SENP8: variants seen among roughly 807,000 people sequenced by gnomAD.
SENP8 encodes the protein sentrin-specific protease 8.
In SENP8, 10 loss-of-function variants were observed where a neutral mutation model predicts 14.4. The observed-to-expected ratio is 0.69, with a 90% CI of 0.43 to 1.18. The LOEUF (loss-of-function observed/expected upper bound fraction) is 1.18. Among genes scored for constraint, SENP8 ranks in the 50% most tolerant of loss-of-function variants. The pLI, the probability that SENP8 is intolerant of heterozygous loss-of-function variation, is 0.00. For missense variants in SENP8, 202 were observed against 249.4 expected (o/e 0.81, Z 1.28); for synonymous variants, 94 against 95.5 (o/e 0.98, Z 0.09).
intron 1 of SENP8, among the ~76,000 whole-genome samples, chr15:72,125,314 C>T (rs1034086784): frequency 1.3e-5 from 2 of 152,116 alleles, no homozygotes; most frequent in Non-Finnish European, 2.9e-5. Context: ...TTTTCTTCAC[C>T]TTTGCTAACT....
intron 1 of SENP8, among the ~76,000 whole-genome samples, chr15:72,130,980 A>G (rs2081268575): frequency 6.6e-6 from 1 of 152,238 alleles, no homozygotes; most frequent in Non-Finnish European, 1.5e-5. Flanking sequence ...AGACATCAGA[A>G]TAACTTGGAA....
At chr15:72,114,739 C>CA (rs1277996731), upstream of SENP8, among the ~76,000 whole-genome samples, 2 of 152,192 alleles carry the variant, frequency 1.3e-5, no homozygotes, top group Non-Finnish European at 2.9e-5. Flanking sequence ...CAAAGGCAAG[C>CA]ACTCTAGACA....
In SENP8 at chr15:72,140,225, A is replaced by G; in HGVS notation, c.602A>G (p.Glu201Gly). ...TPAYITKKRG[E>G]WKDLITTLAK... ...GCATACATCACAAAGAAGAGGGGAG[A>G]ATGGAAAGATCTCATTACCACACTT... Residue 201 changes from glutamate to glycine, a missense_variant, in exon 2 of 2, where the codon GAA becomes GGA. Coordinates refer to ENST00000340912, the MANE Select transcript of SENP8 (RefSeq NM_145204.4). 2 of 1,613,886 alleles carry G rather than the reference A, an allele frequency of 1.2e-6. No individual in the cohort carries two copies. Among genetic ancestry groups the G allele is most frequent in the Non-Finnish European group, 1.7e-6 (2 of 1,179,906 alleles).
upstream of SENP8, chr15:72,118,254 G>A (rs2081081147): frequency 3.2e-6 from 1 of 317,066 alleles, no homozygotes; most frequent in Admixed American, 5.1e-5. Flanking sequence ...GCGCAGACAC[G>A]CCCCCTTTCC....
intron 1 of SENP8, among the ~76,000 whole-genome samples, chr15:72,123,759 A>G (rs1245950740): frequency 6.6e-6 from 1 of 152,142 alleles, no homozygotes; most frequent in East Asian, 1.9e-4. Context: ...AGGCTGATCT[A>G]GAACGCCCGA....
upstream of SENP8, among the ~76,000 whole-genome samples, chr15:72,115,482 T>G (rs2080938009): frequency 6.6e-6 from 1 of 152,166 alleles, no homozygotes; most frequent in African/African-American, 2.4e-5. Context: ...AACCTAGATT[T>G]TATCCTGTAT....
intron 1 of SENP8, among the ~76,000 whole-genome samples, chr15:72,127,050 AT>A (rs2081227548): frequency 6.6e-6 from 1 of 152,224 alleles, no homozygotes; most frequent in African/African-American, 2.4e-5. Context: ...GATTTATATT[AT>A]GTTGAGCTGT....
intron 1 of SENP8, among the ~76,000 whole-genome samples, chr15:72,119,877 C>T (rs2081142577): frequency 6.6e-6 from 1 of 152,236 alleles, no homozygotes; most frequent in South Asian, 2.1e-4. Flanking sequence ...TCTTGCCTTT[C>T]TCTTCAGCAC....
intron 1 of SENP8, among the ~76,000 whole-genome samples, chr15:72,120,375 A>G (rs2081154799): frequency 1.3e-5 from 2 of 152,208 alleles, no homozygotes; most frequent in African/African-American, 4.8e-5. Context: ...CCAGATAAGA[A>G]CGAGTTATTG....
chr15:72,136,880 G>A (rs557081041), intron 1 of SENP8, among the ~76,000 whole-genome samples: 1 of 152,304 alleles, frequency 6.6e-6, no homozygotes, highest in South Asian at 2.1e-4. Flanking sequence ...CTGCATAACA[G>A]CTAACTCTCT....
Position 72,139,955 on chromosome 15 carries a change from A to G in SENP8, c.332A>G (p.Asp111Gly). ...TGGAGTTTATTGGTCTACCTCCAAG[A>G]TAAAAATAGCTTTTTTCATTATGAT... The part of the protein sequence containing the change: ...THWSLLVYLQ[D>G]KNSFFHYDSH... The change falls in exon 2 of 2, where the codon GAT (aspartate) becomes GGT (glycine). Residue 111 changes from aspartate (D) to glycine (G), a missense_variant. Physicochemically the swap from Asp to Gly is moderately conservative, Grantham distance 94. Coordinates refer to ENST00000340912, the MANE Select transcript of SENP8 (RefSeq NM_145204.4). The G allele has an allele frequency of 1.2e-6, 2 of 1,614,232 alleles. No individual in the cohort carries two copies. Among genetic ancestry groups the G allele is most frequent in the East Asian group, 2.2e-5 (1 of 44,888 alleles).
chr15:72,119,672 C>T (rs1368743155), intron 1 of SENP8, among the ~76,000 whole-genome samples: 1 of 152,118 alleles, frequency 6.6e-6, no homozygotes, highest in African/African-American at 2.4e-5. Context: ...GGCATGAACC[C>T]GGAAGGCGGA....
intron 1 of SENP8, among the ~76,000 whole-genome samples, chr15:72,122,802 C>G (rs546730285): frequency 1.3e-5 from 2 of 152,256 alleles, no homozygotes; most frequent in South Asian, 2.1e-4. Flanking sequence ...ATTTTTATTA[C>G]TTACAGAAAA....
chr15:72,118,750 T>C (rs934785918), intron 1 of SENP8, among the ~76,000 whole-genome samples: 1 of 152,166 alleles, frequency 6.6e-6, no homozygotes, highest in African/African-American at 2.4e-5. Flanking sequence ...TGTCAGCTTT[T>C]TGAAGTGCTT....
At chr15:72,115,507 AC>A (rs1436619097), upstream of SENP8, among the ~76,000 whole-genome samples, 2 of 152,108 alleles carry the variant, frequency 1.3e-5, no homozygotes, top group East Asian at 3.8e-4. Flanking sequence ...CTTCTCCCCA[AC>A]CCCAAATACA....
rs1278995112 is a variant in SENP8 at position 72,140,381 on chromosome 15, T to C, written c.*119T>C. The C allele has an allele frequency of 4.2e-6, 3 of 708,162 alleles. No homozygotes were observed. The highest frequency in any genetic ancestry group is 7.2e-6 in the Non-Finnish European group (3 of 416,534). The allele number at this position is 708,162 out of a possible 1,614,324, so 43.9% of individuals were successfully genotyped here. A position where few individuals can be genotyped will look rare whatever the true frequency, so the allele number is the denominator to read the frequency against. On this transcript the variant is annotated 3_prime_UTR_variant, in exon 2 of 2. Transcript: ENST00000340912. Reference sequence around the variant, plus strand: ...CTAGTAGAGGAAAGCTTAATACTCTTTTTCCTGAAAGAATATCATCCTCTG... The same window carrying C: ...CTAGTAGAGGAAAGCTTAATACTCTCTTTCCTGAAAGAATATCATCCTCTG...
At chr15:72,138,734 G>A (rs1209001336) in intron 1 of SENP8, among the ~76,000 whole-genome samples, 4 of 151,174 alleles carry the variant, frequency 2.6e-5, no homozygotes, top group Non-Finnish European at 4.4e-5. Context: ...AGGCTGAGGC[G>A]GGCGGATCAC....
At chr15:72,127,269 A>G (rs1277211201) in intron 1 of SENP8, among the ~76,000 whole-genome samples, 1 of 152,172 alleles carries the variant, frequency 6.6e-6, no homozygotes, top group East Asian at 1.9e-4. Flanking sequence ...AAACAAATAA[A>G]TTAAAAAACT....
chr15:72,139,480 A>G, intron 1 of SENP8, 97 bp from the exon 2 acceptor site: 1 of 1,181,822 alleles, frequency 8.5e-7, no homozygotes, highest in East Asian at 2.3e-5. Flanking sequence ...CCAAGGGTCA[A>G]CTGTGTATTT....
Sources: allele counts gnomAD v4.1 joint callset (sites outside exome capture counted in the v4.1 genomes callset), GRCh38; gene constraint gnomAD v4.1.1; transcripts MANE v1.5; gene names NCBI Gene and HGNC (gene_info 2026-07-23, HGNC 2026-07-21).